The following SHOC1 variants were observed in gnomAD, a reference collection of about 807,000 sequenced individuals.
The protein encoded by SHOC1 is shortage in chiasmata 1.
A neutral mutation model predicts 179.2 loss-of-function variants in SHOC1; 136 were observed. The observed-to-expected ratio is 0.76, with a 90% confidence interval of 0.66 to 0.87. The LOEUF (loss-of-function observed/expected upper bound fraction) is 0.87. Among genes scored for constraint, SHOC1 ranks in the 40% least tolerant of loss-of-function variants. The probability of loss-of-function intolerance (pLI) is 0.00; values close to 1 mark genes in which losing one functional copy is unlikely to be tolerated. For synonymous variants in SHOC1, 489 were observed against 586.6 expected (o/e 0.83, Z 2.41); for missense variants, 1,538 against 1,700.8 (o/e 0.90, Z 1.68).
chr9:111,719,771 C>T (rs1832953392), intron 15 of SHOC1, among the ~76,000 whole-genome samples: 1 of 152,112 alleles, frequency 6.6e-6, no homozygotes, highest in Admixed American at 6.5e-5. Context: ...ACTGTGACCT[C>T]GCGGTTTTGG....
chr9:111,731,656 G>GA (rs976245485), intron 12 of SHOC1, among the ~76,000 whole-genome samples: 3 of 151,660 alleles, frequency 2.0e-5, no homozygotes, highest in African/African-American at 7.3e-5. Context: ...ATAATAATAA[G>GA]AAAAAAATAC....
chr9:111,694,393 G>A (rs761779485), intron 24 of SHOC1, 31 bp from the exon 25 acceptor site: 4 of 1,484,826 alleles, frequency 2.7e-6, no homozygotes, highest in Non-Finnish European at 9.2e-7. Flanking sequence ...TAGATTATAG[G>A]AAATACTAGG....
rs778533059 is a variant in SHOC1, at chr9:111,727,635, T to A, written c.1832A>T (p.His611Leu). 8 of 1,563,378 alleles carry A rather than the reference T, an allele frequency of 5.1e-6. No individual in the cohort carries two copies. Among genetic ancestry groups the A allele is most frequent in the Non-Finnish European group, 6.9e-6 (8 of 1,159,392 alleles). The change falls in exon 13 of 28, where the codon CAT becomes CTT. Residue 611 changes from histidine to leucine, a missense_variant and splice_region_variant. His to Leu is a moderately conservative substitution (Grantham distance 99). Coordinates refer to ENST00000682961, the MANE Select transcript of SHOC1 (RefSeq NM_001378211.1). ...CAAAATATTATTAAATTACTTACCA[T>A]GTTTTTCATCACTGTTTGTGACTTC... ...KTEVTNSDEK[H>L]DKEACSLTLQ...
intron 14 of SHOC1, 36 bp downstream of exon 14, chr9:111,723,756 C>T (rs1202844107): frequency 6.3e-7 from 1 of 1,596,946 alleles, no homozygotes; most frequent in Non-Finnish European, 8.5e-7. Context: ...TCAAACTAAG[C>T]AAATCTGAAA....
At chr9:111,712,877 A>G (rs1406701807) in intron 18 of SHOC1, among the ~76,000 whole-genome samples, 1 of 152,224 alleles carries the variant, frequency 6.6e-6, no homozygotes, top group Non-Finnish European at 1.5e-5. Context: ...GTCAATTATT[A>G]GTAATAACAA....
chr9:111,729,061 A>G (rs896744500), intron 12 of SHOC1, among the ~76,000 whole-genome samples: 13 of 152,150 alleles, frequency 8.5e-5, no homozygotes, highest in Non-Finnish European at 1.3e-4. Context: ...AATGCTAATG[A>G]TCATCTGAGC....
At chr9:111,766,241 T>C (rs922277556) in intron 5 of SHOC1, among the ~76,000 whole-genome samples, 1 of 152,244 alleles carries the variant, frequency 6.6e-6, no homozygotes, top group Admixed American at 6.5e-5. Flanking sequence ...TTCATTCTTT[T>C]TTGTGGCTGA....
At chr9:111,746,610 A>C (rs1223720469) in intron 9 of SHOC1, among the ~76,000 whole-genome samples, 1 of 152,166 alleles carries the variant, frequency 6.6e-6, no homozygotes, top group African/African-American at 2.4e-5. Flanking sequence ...TTGAGATTGC[A>C]ATGAGCTGTG....
At chr9:111,789,201 T>A (rs1321564224) in intron 2 of SHOC1, among the ~76,000 whole-genome samples, 1 of 152,156 alleles carries the variant, frequency 6.6e-6, no homozygotes, top group Admixed American at 6.6e-5. Context: ...GTCCTTATTA[T>A]CCAAGGATAA....
intron 15 of SHOC1, among the ~76,000 whole-genome samples, chr9:111,722,171 C>T (rs968826005): frequency 8.5e-5 from 13 of 152,084 alleles, no homozygotes; most frequent in Non-Finnish European, 1.9e-4. Flanking sequence ...AGGAATCTGT[C>T]AAGTAATATA....
intron 12 of SHOC1, among the ~76,000 whole-genome samples, chr9:111,735,520 C>CT (rs1317307543): frequency 6.6e-6 from 1 of 152,038 alleles, no homozygotes; most frequent in Non-Finnish European, 1.5e-5. Flanking sequence ...AAAACTCATC[C>CT]TTTTTTATGG....
At chr9:111,761,212 G>T (rs545531595) in intron 5 of SHOC1, among the ~76,000 whole-genome samples, 1 of 152,110 alleles carries the variant, frequency 6.6e-6, no homozygotes, top group East Asian at 1.9e-4. Context: ...ATAAAACTAG[G>T]CACCTTCAGC....
At chr9:111,749,515 C>T (rs1020589783) in intron 8 of SHOC1, among the ~76,000 whole-genome samples, 5 of 151,490 alleles carry the variant, frequency 3.3e-5, no homozygotes, top group East Asian at 1.9e-4. Flanking sequence ...AGAAGTTATA[C>T]ATGTTATCAA....
chr9:111,791,284 G>C, intron 2 of SHOC1, 90 bp downstream of exon 2: 1 of 626,024 alleles, frequency 1.6e-6, no homozygotes, highest in South Asian at 5.2e-5. Context: ...AAGCATTTCA[G>C]ATAAGGGATA....
chr9:111,768,577 G>A (rs545652864), intron 5 of SHOC1, among the ~76,000 whole-genome samples: 12 of 152,030 alleles, frequency 7.9e-5, no homozygotes, highest in Non-Finnish European at 1.8e-4. Flanking sequence ...TCAGTTTTTT[G>A]GTGGAGTCTT....
chr9:111,740,330 A>G (rs1833977441), intron 11 of SHOC1, among the ~76,000 whole-genome samples: 2 of 152,312 alleles, frequency 1.3e-5, no homozygotes, highest in South Asian at 2.1e-4. Flanking sequence ...TTGGAGTGAA[A>G]GCCAGCTTTG....
Position 111,775,950 on chromosome 9 carries a change from G to C in SHOC1, c.283C>G (p.Gln95Glu), listed in dbSNP as rs1242938533. The change falls in exon 5 of 28, where the codon CAG becomes GAG. Residue 95 changes from glutamine (Q) to glutamate (E), a missense_variant. Coordinates refer to ENST00000682961, the MANE Select transcript of SHOC1 (RefSeq NM_001378211.1). ...ACTTCCTCAAATTCACAATTAATCT[G>C]GGTCACCATTCTTGTAATTGTTTTT... ...EKKTITRMVTQINCEFEEVVP... is the reference protein window; with the variant it reads ...EKKTITRMVTEINCEFEEVVP... 4 of 1,612,426 alleles carry C rather than the reference G, an allele frequency of 2.5e-6. No homozygotes were observed. The highest frequency in any genetic ancestry group is 1.6e-4 in the Middle Eastern group (1 of 6,078).
intron 5 of SHOC1, among the ~76,000 whole-genome samples, chr9:111,769,975 GT>G: frequency 3.4e-5 from 3 of 87,806 alleles, no homozygotes; most frequent in African/African-American, 5.3e-5. Context: ...TTTATCTTCT[GT>G]TTTTTTTTTG....
chr9:111,784,457 C>A (rs1028486936), intron 3 of SHOC1, among the ~76,000 whole-genome samples: 20 of 152,132 alleles, frequency 1.3e-4, no homozygotes, highest in African/African-American at 4.8e-4. Context: ...AATATTTTAT[C>A]CAGAGTTTAG....
Sources: allele counts gnomAD v4.1 joint callset (sites outside exome capture counted in the v4.1 genomes callset), GRCh38; gene constraint gnomAD v4.1.1; transcripts MANE v1.5; gene names NCBI Gene and HGNC (gene_info 2026-07-23, HGNC 2026-07-21).